The following UBE2H variants were observed in gnomAD, a reference collection of about 807,000 sequenced individuals.
The protein encoded by UBE2H is ubiquitin conjugating enzyme E2 H.
Under a neutral mutation model 29.0 loss-of-function variants are expected in UBE2H, and 3 were observed. The ratio of observed to expected loss-of-function variants is 0.10; its 90% CI spans 0.05 to 0.27. The LOEUF (loss-of-function observed/expected upper bound fraction) is 0.27, where lower values mean the gene tolerates loss of function less well. Among genes scored for constraint, UBE2H ranks in the 10% least tolerant of loss-of-function variants. UBE2H has a pLI of 1.00. For synonymous variants in UBE2H, 69 were observed against 82.9 expected (o/e 0.83, Z 0.91); for missense variants, 68 against 228.2 (o/e 0.30, Z 4.52).
rs1805751008 is a variant in UBE2H at position 129,858,778 on chromosome 7, C to CCATT, written c.245+120_245+123dup. ...CCTTTGGATTCTATCATTTACATGA[C>CCATT]CATTCATACAGTCCTACCTCCTGAT... On this transcript the variant is annotated intron_variant, in intron 4 of 6. Coordinates refer to ENST00000355621, the MANE Select transcript of UBE2H (RefSeq NM_003344.4). 1.1e-4 allele frequency: 87 copies of CCATT among 794,338 alleles called. No homozygotes were observed. In the South Asian group the frequency reaches 1.3e-3, roughly 12 times the overall value. The allele number at this position is 794,338 out of a possible 1,614,324, so 49.2% of individuals were successfully genotyped here. A position where few individuals can be genotyped will look rare whatever the true frequency, so the allele number is the denominator to read the frequency against.
intron 3 of UBE2H, among the ~76,000 whole-genome samples, chr7:129,874,122 C>A (rs1252682680): frequency 6.6e-6 from 1 of 151,954 alleles, no homozygotes; most frequent in African/African-American, 2.4e-5. Context: ...GGATACAATT[C>A]TGTTAATAGT....
At chr7:129,870,263 C>T (rs1483750624) in intron 3 of UBE2H, among the ~76,000 whole-genome samples, 1 of 152,168 alleles carries the variant, frequency 6.6e-6, no homozygotes, top group Non-Finnish European at 1.5e-5. Flanking sequence ...CAAGCTCTCC[C>T]TTTTCTAAAC....
rs1805287909 is a variant in UBE2H at position 129,834,578 on chromosome 7, A to G, written c.*359T>C. ...GGTTTGGTTTGTTTCTTTGGAAACCAATAAAAGAAGCAATTTTTTCCTGTT... is the reference window on the plus strand; with the variant it reads ...GGTTTGGTTTGTTTCTTTGGAAACCGATAAAAGAAGCAATTTTTTCCTGTT... On this transcript the variant is annotated 3_prime_UTR_variant, in exon 7 of 7. Transcript: ENST00000355621. The G allele has an allele frequency of 6.3e-6, 1 of 159,572 alleles. No individual in the cohort carries two copies. Among genetic ancestry groups the G allele is most frequent in the Admixed American group, 6.3e-5 (1 of 15,824 alleles). 9.9% of individuals were successfully genotyped at this position (159,572 alleles called of 1,614,324 possible).
intron 3 of UBE2H, 165 bp from the exon 4 acceptor site, chr7:129,859,106 G>A: frequency 1.7e-6 from 1 of 595,802 alleles, no homozygotes; most frequent in Non-Finnish European, 2.9e-6. Context: ...TCTCCTGATA[G>A]CTCCAATTAT....
intron 1 of UBE2H, among the ~76,000 whole-genome samples, chr7:129,931,947 C>A (rs551936517): frequency 1.3e-5 from 2 of 151,464 alleles, no homozygotes; most frequent in Admixed American, 6.6e-5. Flanking sequence ...CCTCAGCCTC[C>A]CCAGTAACAG....
chr7:129,923,712 G>A (rs1807210236), intron 1 of UBE2H, among the ~76,000 whole-genome samples: 1 of 152,134 alleles, frequency 6.6e-6, no homozygotes, highest in Non-Finnish European at 1.5e-5. Context: ...GAAATTTACT[G>A]GGTTGAAATT....
intron 1 of UBE2H, among the ~76,000 whole-genome samples, chr7:129,909,103 C>T (rs1806877313): frequency 6.6e-6 from 1 of 152,182 alleles, no homozygotes; most frequent in African/African-American, 2.4e-5. Flanking sequence ...TTAATTGAGA[C>T]ACTAAAACCA....
intron 5 of UBE2H, among the ~76,000 whole-genome samples, chr7:129,856,523 A>C (rs1805707830): frequency 6.6e-6 from 1 of 151,364 alleles, no homozygotes; most frequent in Admixed American, 6.6e-5. Flanking sequence ...GACCATAAAA[A>C]AGGAGCTATA....
At chr7:129,927,389 A>C (rs565566889) in intron 1 of UBE2H, among the ~76,000 whole-genome samples, 1 of 152,202 alleles carries the variant, frequency 6.6e-6, no homozygotes, top group East Asian at 1.9e-4. Context: ...AAAATACAAA[A>C]ATTAGCCGGG....
chr7:129,872,152 G>C (rs1806052717), intron 3 of UBE2H, among the ~76,000 whole-genome samples: 1 of 152,162 alleles, frequency 6.6e-6, no homozygotes, highest in African/African-American at 2.4e-5. Flanking sequence ...ATCGTGCCCA[G>C]TCACAGAATT....
At chr7:129,871,197 G>C (rs566616113) in intron 3 of UBE2H, among the ~76,000 whole-genome samples, 1 of 152,172 alleles carries the variant, frequency 6.6e-6, no homozygotes, top group Non-Finnish European at 1.5e-5. Flanking sequence ...CGCCCAGCTC[G>C]CAGTAGGTAT....
chr7:129,884,153 C>T (rs955658643), intron 1 of UBE2H, among the ~76,000 whole-genome samples: 2 of 151,936 alleles, frequency 1.3e-5, no homozygotes, highest in South Asian at 2.1e-4. Flanking sequence ...CGCGGTGGCT[C>T]ACACCTGTAA....
At chr7:129,846,383 A>AATT (rs1554430022) in intron 5 of UBE2H, among the ~76,000 whole-genome samples, 2 of 105,086 alleles carry the variant, frequency 1.9e-5, no homozygotes, top group Admixed American at 1.0e-4. Context: ...TAATAATAAT[A>AATT]ATAATTGGGC....
Position 129,839,207 on chromosome 7 carries a change from C to G in UBE2H, c.427G>C (p.Glu143Gln). 1 of 1,612,482 alleles carries G rather than the reference C, an allele frequency of 6.2e-7. No individual in the cohort carries two copies. The highest frequency in any genetic ancestry group is 8.5e-7 in the Non-Finnish European group (1 of 1,179,552). Residue 143 changes from glutamate (E) to glutamine (Q), a missense_variant and splice_region_variant, in exon 6 of 7, where the codon GAG becomes CAG. Coordinates refer to ENST00000355621, the MANE Select transcript of UBE2H (RefSeq NM_003344.4). ...CAGGTTAAACTACCCATCCTCTTAC[C>G]TTTAATTTTCTGCTTGTATTCTTCT... ...RPEEYKQKIK[E>Q]YIQKYATEEA...
chr7:129,902,167 T>C (rs1806728913), intron 1 of UBE2H, among the ~76,000 whole-genome samples: 1 of 152,140 alleles, frequency 6.6e-6, no homozygotes, highest in South Asian at 2.1e-4. Flanking sequence ...ATCTTAGTAA[T>C]CTAAGGAATC....
intron 3 of UBE2H, among the ~76,000 whole-genome samples, chr7:129,872,952 TG>T (rs1420897244): frequency 6.7e-6 from 1 of 149,080 alleles, no homozygotes; most frequent in East Asian, 2.0e-4. Context: ...TCCAGTCTAG[TG>T]GAACAGGGCA....
intron 1 of UBE2H, among the ~76,000 whole-genome samples, chr7:129,886,767 T>TTTTTTTTGGTA (rs1554435104): frequency 0.023 from 1,661 of 72,058 alleles, 27 homozygotes; most frequent in Non-Finnish European, 0.034. Context: ...TGTTTTTTGG[T>TTTTTTTTGGTA]AAAAAAAAAA....
chr7:129,870,800 G>A (rs187375788), intron 3 of UBE2H, among the ~76,000 whole-genome samples: 59 of 152,106 alleles, frequency 3.9e-4, no homozygotes, highest in African/African-American at 1.2e-3. Context: ...TGAAAGTCGA[G>A]CCTTTAACCT....
intron 1 of UBE2H, among the ~76,000 whole-genome samples, chr7:129,883,116 T>C (rs1053226847): frequency 2.8e-4 from 42 of 152,338 alleles, no homozygotes; most frequent in African/African-American, 1.0e-3. Context: ...TTCTTCACTA[T>C]AAACAATGAA....
Sources: allele counts gnomAD v4.1 joint callset (sites outside exome capture counted in the v4.1 genomes callset), GRCh38; gene constraint gnomAD v4.1.1; transcripts MANE v1.5; gene names NCBI Gene and HGNC (gene_info 2026-07-23, HGNC 2026-07-21).